TACC1: variants seen among roughly 807,000 people sequenced by gnomAD.
TACC1 encodes transforming acidic coiled-coil-containing protein 1.
TACC1 carries 48 observed loss-of-function variants against 84.4 expected under a neutral mutation model. That is an observed-to-expected ratio of 0.57 (90% CI 0.45 to 0.72). The LOEUF (loss-of-function observed/expected upper bound fraction) is 0.72, where lower values mean the gene tolerates loss of function less well. Among genes scored for constraint, TACC1 ranks in the 30% least tolerant of loss-of-function variants. The pLI, the probability that TACC1 is intolerant of heterozygous loss-of-function variation, is 0.00. For synonymous variants in TACC1, 372 were observed against 376.3 expected, an observed-to-expected ratio of 0.99 and a Z score of 0.13; for missense variants, 920 against 973.0, an observed-to-expected ratio of 0.95 and a Z score of 0.72.
chr8:38,819,618 A>C lies in TACC1; in HGVS notation c.374A>C (p.Gln125Pro), dbSNP rs1430758032. Residue 125 changes from glutamine to proline, a missense_variant, in exon 3 of 13, where the codon CAG (glutamine) becomes CCG (proline). By Grantham distance (76) the Gln-to-Pro change is moderately conservative. This residue lies in a region of TACC1 where 762 missense variants were observed against 747.3 expected (regional missense o/e 1.02). Coordinates refer to ENST00000317827, the MANE Select transcript of TACC1 (RefSeq NM_006283.3). The stretch of plus-strand genomic sequence containing the variant: ...CCTTCAGAAAATGAAGTGCCACAGC[A>C]GGCCATTGACTCTCACTCAGTCAAG... ...SKPSENEVPQ[Q>P]AIDSHSVKNF... The C allele has an allele frequency of 6.2e-7, 1 of 1,614,266 alleles. No homozygotes were observed. Among genetic ancestry groups the C allele is most frequent in the Middle Eastern group, 1.6e-4 (1 of 6,062 alleles).
At chr8:38,828,584 C>T (rs1465994142) in intron 5 of TACC1, among the ~76,000 whole-genome samples, 1 of 152,110 alleles carries the variant, frequency 6.6e-6, no homozygotes, top group African/African-American at 2.4e-5. Context: ...CTCTTGGTGT[C>T]TGTGTCTTTC....
At position 38,852,065 on chromosome 8, in the gene TACC1, T is replaced by C. The variant is rs1171341929; in HGVS notation, c.*4042T>C. On this transcript the variant is annotated 3_prime_UTR_variant, in exon 13 of 13. Coordinates refer to ENST00000317827, the MANE Select transcript of TACC1 (RefSeq NM_006283.3). ...AAAGGATCTCCTCTGGAAGAGACTA[T>C]CAGCGGCAGCATTCTCCAGGGAAGA... The C allele has an allele frequency of 3.1e-5, 13 of 416,058 alleles. No homozygotes were observed. In the Admixed American group the frequency reaches 3.4e-4, roughly 11 times the overall value. The allele number at this position is 416,058 out of a possible 1,614,324, so 25.8% of individuals were successfully genotyped here.
In TACC1 at chr8:38,838,458, A is replaced by AT; in HGVS notation, c.1840-10dup. 1.2e-6 allele frequency: 2 copies of AT among 1,602,100 alleles called. No homozygotes were observed. The highest frequency in any genetic ancestry group is 1.7e-6 in the Non-Finnish European group (2 of 1,169,320). Reference sequence around the variant, plus strand: ...AATAGATTGGGTAAAACTAAGCTTTATTGTACTCTAGATAATTACTAAAGA... The same window carrying AT: ...AATAGATTGGGTAAAACTAAGCTTTATTTGTACTCTAGATAATTACTAAAGA... On this transcript the variant is annotated splice_polypyrimidine_tract_variant and intron_variant, in intron 7 of 12. Transcript: ENST00000317827.
chr8:38,841,764 C>T (rs1036012392), intron 9 of TACC1, among the ~76,000 whole-genome samples: 44 of 152,274 alleles, frequency 2.9e-4, no homozygotes, highest in Admixed American at 2.5e-3. Flanking sequence ...ATTGTAATTT[C>T]TCTGCATCAG....
chr8:38,741,665 C>T (rs1807096403), intron 1 of TACC1, among the ~76,000 whole-genome samples: 4 of 152,156 alleles, frequency 2.6e-5, no homozygotes, highest in Non-Finnish European at 5.9e-5. Flanking sequence ...ATGTACTCTT[C>T]CTGCCCTGCC....
At chr8:38,759,029 A>G (rs1810692018) in intron 3 of TACC1, among the ~76,000 whole-genome samples, 1 of 152,210 alleles carries the variant, frequency 6.6e-6, no homozygotes, top group Admixed American at 6.5e-5. Context: ...TGCAATAGCA[A>G]TGCTTAATAG....
At chr8:38,800,226 C>T (rs1475538202) in intron 2 of TACC1, among the ~76,000 whole-genome samples, 2 of 152,194 alleles carry the variant, frequency 1.3e-5, no homozygotes, top group African/African-American at 4.8e-5. Context: ...GGGTCTGAGC[C>T]TCCATGTTCT....
chr8:38,774,972 C>G (rs62505812), intron 3 of TACC1, among the ~76,000 whole-genome samples: 29,110 of 145,654 alleles, frequency 0.2, 3,378 homozygotes, highest in Non-Finnish European at 0.27. Flanking sequence ...GATCGCACCA[C>G]TGCACTCCAG....
intron 11 of TACC1, 118 bp from the exon 12 acceptor site, chr8:38,846,581 A>G: frequency 8.2e-7 from 1 of 1,217,528 alleles, no homozygotes; most frequent in Non-Finnish European, 1.1e-6. Flanking sequence ...TCTCTCATGC[A>G]GTCAATTCTT....
upstream of TACC1, among the ~76,000 whole-genome samples, chr8:38,785,291 C>G (rs528889360): frequency 6.6e-6 from 1 of 152,174 alleles, no homozygotes. Flanking sequence ...TTAGTGAACA[C>G]ACAGATTTCC....
intron 4 of TACC1, among the ~76,000 whole-genome samples, chr8:38,826,390 G>A (rs556008389): frequency 6.6e-6 from 1 of 152,192 alleles, no homozygotes; most frequent in African/African-American, 2.4e-5. Context: ...AAGAATTAGT[G>A]CAATAAAACA....
Position 38,781,959 on chromosome 8 carries a change from T to C in TACC1, c.27-6745T>C, listed in dbSNP as rs190174437. ...TAATTTTATTTATTTATTTATTTTT[T>C]ACATTCTTGTAAATCTTTATTTTTT... On this transcript the variant is annotated intron_variant, in intron 3 of 14. Transcript: ENST00000518415. Among the ~76,000 whole-genome samples, 1,459 of 151,362 alleles carry C rather than the reference T, an allele frequency of 9.6e-3. 17 individuals carry two copies. The highest frequency in any genetic ancestry group is 0.026 in the Admixed American group (398 of 15,272).
chr8:38,816,992 G>T (rs1825581156), intron 2 of TACC1, among the ~76,000 whole-genome samples: 1 of 152,160 alleles, frequency 6.6e-6, no homozygotes, highest in East Asian at 1.9e-4. Context: ...CCAGCACCCA[G>T]TCATTCATTA....
chr8:38,812,053 G>A (rs774714755), intron 2 of TACC1, among the ~76,000 whole-genome samples: 3 of 152,132 alleles, frequency 2.0e-5, no homozygotes, highest in African/African-American at 7.2e-5. Flanking sequence ...GTGGTCTCCT[G>A]CAGTACCCTC....
chr8:38,832,393 A>G (rs1408628925), intron 6 of TACC1, among the ~76,000 whole-genome samples: 1 of 152,254 alleles, frequency 6.6e-6, no homozygotes, highest in Non-Finnish European at 1.5e-5. Flanking sequence ...CTGGTGAGGA[A>G]CATATCATAT....
intron 1 of TACC1, chr8:38,787,993 C>G (rs1817690256): frequency 2.0e-6 from 1 of 501,020 alleles, no homozygotes; most frequent in Non-Finnish European, 3.5e-6. Flanking sequence ...CTCCGCATCC[C>G]CGCTGGCCTC....
At chr8:38,760,937 T>G (rs1811098302) in intron 3 of TACC1, among the ~76,000 whole-genome samples, 1 of 152,218 alleles carries the variant, frequency 6.6e-6, no homozygotes, top group Admixed American at 6.5e-5. Context: ...ATGAACCAGA[T>G]GCCATGCTGG....
chr8:38,774,788 G>T (rs1335101520), intron 3 of TACC1, among the ~76,000 whole-genome samples: 1 of 152,056 alleles, frequency 6.6e-6, no homozygotes, highest in Non-Finnish European at 1.5e-5. Flanking sequence ...CGAGGCGGGC[G>T]GATCACGAGG....
chr8:38,765,528 T>A (rs1812075274), intron 3 of TACC1, among the ~76,000 whole-genome samples: 1 of 152,206 alleles, frequency 6.6e-6, no homozygotes, highest in Admixed American at 6.5e-5. Flanking sequence ...ACACTGCCCC[T>A]TTATTATTCA....
Sources: allele counts gnomAD v4.1 joint callset (sites outside exome capture counted in the v4.1 genomes callset), GRCh38; gene constraint gnomAD v4.1.1; regional missense constraint gnomAD v4.1.1; transcripts MANE v1.5; gene names NCBI Gene and HGNC (gene_info 2026-07-23, HGNC 2026-07-21).